The following TACR3 variants were observed in gnomAD, a reference collection of about 807,000 sequenced individuals.
TACR3 encodes tachykinin receptor 3, also known as neuromedin-K receptor.
TACR3 carries 34 observed loss-of-function variants against 35.0 expected under a neutral mutation model. That is an observed-to-expected ratio of 0.97 (90% CI 0.74 to 1.30). TACR3 has a LOEUF of 1.30. TACR3 is among the 50% of genes most tolerant of loss of function. The pLI, the probability that TACR3 is intolerant of heterozygous loss-of-function variation, is 0.00. For missense variants in TACR3, 558 were observed against 591.7 expected (o/e 0.94, Z 0.59); for synonymous variants, 233 against 221.1 (o/e 1.05, Z -0.48).
intron 1 of TACR3, among the ~76,000 whole-genome samples, chr4:103,694,482 G>A (rs1722480503): frequency 6.6e-6 from 1 of 152,066 alleles, no homozygotes; most frequent in African/African-American, 2.4e-5. Flanking sequence ...ATTCCCACAT[G>A]CTTCCCGTAC....
At chr4:103,709,407 A>G (rs1722884554) in intron 1 of TACR3, among the ~76,000 whole-genome samples, 1 of 152,178 alleles carries the variant, frequency 6.6e-6, no homozygotes, top group Non-Finnish European at 1.5e-5. Flanking sequence ...AGCCAAACTA[A>G]GCTTCATAAG....
chr4:103,696,127 G>C (rs1722516014), intron 1 of TACR3, among the ~76,000 whole-genome samples: 2 of 152,026 alleles, frequency 1.3e-5, no homozygotes, highest in Non-Finnish European at 2.9e-5. Context: ...TGAGAAAAGA[G>C]TATCTATTGA....
chr4:103,645,463 T>C (rs1725437382), intron 3 of TACR3, among the ~76,000 whole-genome samples: 1 of 135,600 alleles, frequency 7.4e-6, no homozygotes, highest in East Asian at 2.1e-4. Context: ...TGGTGAAATG[T>C]ATAGCCACAG....
At chr4:103,699,801 A>G (rs183693156) in intron 1 of TACR3, among the ~76,000 whole-genome samples, 1 of 152,262 alleles carries the variant, frequency 6.6e-6, no homozygotes, top group East Asian at 1.9e-4. Flanking sequence ...AGATGGCAGT[A>G]GGAGTACGTT....
At chr4:103,627,352 T>TAAAAATAC (rs1271100817) in intron 3 of TACR3, among the ~76,000 whole-genome samples, 1,492 of 82,482 alleles carry the variant, frequency 0.018, 59 homozygotes, top group African/African-American at 0.067. Flanking sequence ...GTGTTTCCAT[T>TAAAAATAC]AAAAAAAAAA....
chr4:103,714,822 A>G (rs893893101), intron 1 of TACR3, among the ~76,000 whole-genome samples: 3 of 152,192 alleles, frequency 2.0e-5, no homozygotes, highest in African/African-American at 7.2e-5. Context: ...ATACATTTAG[A>G]TAATCTGTTA....
chr4:103,640,727 G>A (rs1009623277), intron 3 of TACR3, among the ~76,000 whole-genome samples: 2 of 151,324 alleles, frequency 1.3e-5, no homozygotes, highest in African/African-American at 2.4e-5. Flanking sequence ...TTTGTAAAAC[G>A]TTATGAGATT....
intron 1 of TACR3, among the ~76,000 whole-genome samples, chr4:103,677,654 A>T (rs1248276179): frequency 6.6e-6 from 1 of 152,164 alleles, no homozygotes; most frequent in Non-Finnish European, 1.5e-5. Context: ...GAGCTAAATG[A>T]TGAGAACACT....
chr4:103,667,379 TTAGA>T (rs1284376825), intron 1 of TACR3, among the ~76,000 whole-genome samples: 1 of 152,100 alleles, frequency 6.6e-6, no homozygotes, highest in Non-Finnish European at 1.5e-5. Context: ...AAAAATACAA[TTAGA>T]TAGAAGAAAT....
At chr4:103,703,896 C>G (rs1319740213) in intron 1 of TACR3, among the ~76,000 whole-genome samples, 1 of 151,612 alleles carries the variant, frequency 6.6e-6, no homozygotes, top group Non-Finnish European at 1.5e-5. Context: ...GTCAGGAGAT[C>G]GAGACCATCC....
At chr4:103,660,529 AACAC>A (rs143828536) in intron 1 of TACR3, among the ~76,000 whole-genome samples, 4 of 150,608 alleles carry the variant, frequency 2.7e-5, no homozygotes, top group African/African-American at 4.9e-5. Flanking sequence ...AAGTGTTCTT[AACAC>A]ACACACACAC....
chr4:103,604,661 A>G (rs1034313636), intron 3 of TACR3, among the ~76,000 whole-genome samples: 6 of 152,130 alleles, frequency 3.9e-5, no homozygotes, highest in Non-Finnish European at 7.4e-5. Flanking sequence ...GCTAATATCC[A>G]GAATCTACAA....
At chr4:103,645,541 T>G (rs573734876) in intron 3 of TACR3, among the ~76,000 whole-genome samples, 1 of 151,988 alleles carries the variant, frequency 6.6e-6, no homozygotes, top group East Asian at 1.9e-4. Flanking sequence ...TTAGGACACT[T>G]AGAAACTGAT....
At chr4:103,708,717 G>A (rs554847800) in intron 1 of TACR3, among the ~76,000 whole-genome samples, 6 of 152,294 alleles carry the variant, frequency 3.9e-5, no homozygotes, top group Admixed American at 1.3e-4. Context: ...TGAGCTAAAG[G>A]AGGAAGTTTG....
chr4:103,704,304 G>A (rs1333906843), intron 1 of TACR3, among the ~76,000 whole-genome samples: 2 of 152,074 alleles, frequency 1.3e-5, no homozygotes, highest in African/African-American at 4.8e-5. Flanking sequence ...ATAGCAATAT[G>A]GAAAAGGAGA....
At chr4:103,606,747 T>A (rs1425702743) in intron 3 of TACR3, among the ~76,000 whole-genome samples, 3 of 152,138 alleles carry the variant, frequency 2.0e-5, no homozygotes, top group Admixed American at 6.6e-5. Flanking sequence ...TTTCTAGATA[T>A]ACAATCATGT....
intron 4 of TACR3, among the ~76,000 whole-genome samples, chr4:103,590,802 C>A (rs921767041): frequency 6.6e-6 from 1 of 152,124 alleles, no homozygotes; most frequent in African/African-American, 2.4e-5. Flanking sequence ...CCAGTACAAC[C>A]AAGGTGTTTT....
chr4:103,602,132 C>A (rs1469065318), intron 3 of TACR3, among the ~76,000 whole-genome samples: 4 of 152,260 alleles, frequency 2.6e-5, no homozygotes, highest in Non-Finnish European at 5.9e-5. Flanking sequence ...TCATTTCATT[C>A]ATTTCATCTT....
At chr4:103,708,297 G>T (rs1169303232) in intron 1 of TACR3, among the ~76,000 whole-genome samples, 1 of 151,286 alleles carries the variant, frequency 6.6e-6, no homozygotes, top group African/African-American at 2.4e-5. Flanking sequence ...ACCACTCTGA[G>T]ATGAAGCTTC....
Sources: allele counts gnomAD v4.1 joint callset (sites outside exome capture counted in the v4.1 genomes callset), GRCh38; gene constraint gnomAD v4.1.1; transcripts MANE v1.5; gene names NCBI Gene and HGNC (gene_info 2026-07-23, HGNC 2026-07-21).